Variants in SEC22C observed in about 807,000 individuals in gnomAD.
SEC22C encodes SEC22 homolog C, vesicle trafficking protein.
Under a neutral mutation model 34.7 loss-of-function variants are expected in SEC22C, and 29 were observed. That is an observed-to-expected ratio of 0.84 (90% CI 0.62 to 1.14). The LOEUF is 1.14. SEC22C is among the 50% of genes most tolerant of loss of function. The probability of loss-of-function intolerance (pLI) is 0.00; values close to 1 mark genes in which losing one functional copy is unlikely to be tolerated. For synonymous variants in SEC22C, 117 were observed against 132.8 expected (o/e 0.88, Z 0.82); for missense variants, 337 against 369.0 (o/e 0.91, Z 0.71).
chr3:42,551,669 T>C lies in SEC22C; in HGVS notation c.*1579A>G, dbSNP rs548201997. On this transcript the variant is annotated 3_prime_UTR_variant, in exon 7 of 7. Transcript: ENST00000264454. ...CAAATATTTTATGTTTGGTCAAAAA[T>C]AGAAAATTCTATTATAAAAAATAAA... 30 of 960,762 alleles carry C rather than the reference T, an allele frequency of 3.1e-5. No homozygotes were observed. In the South Asian group the frequency reaches 5.8e-4, roughly 19 times the overall value. 59.5% of individuals were successfully genotyped at this position (960,762 alleles called of 1,614,324 possible).
chr3:42,561,366 A>C, intron 3 of SEC22C, 70 bp from the exon 4 acceptor site: 1 of 1,487,208 alleles, frequency 6.7e-7, no homozygotes, highest in Non-Finnish European at 9.3e-7. Flanking sequence ...TACGTACAAA[A>C]TGAAGTTCAC....
chr3:42,569,100 C>T (rs1559522614), intron 1 of SEC22C, 27 bp from the exon 2 acceptor site: 1 of 1,503,504 alleles, frequency 6.7e-7, no homozygotes, highest in Non-Finnish European at 9.1e-7. Context: ...CACCTTGTTA[C>T]TGAGGCTCAA....
chr3:42,568,891 A>G lies in SEC22C; in HGVS notation c.156T>C (p.Ser52=). 1 of 1,614,248 alleles carries G rather than the reference A, an allele frequency of 6.2e-7. No homozygotes were observed. Among genetic ancestry groups the G allele is most frequent in the East Asian group, 2.2e-5 (1 of 44,890 alleles). The change falls in exon 2 of 7, where the codon TCT becomes TCC. Residue 52 remains serine (S), a synonymous_variant. Transcript: ENST00000264454. Reference sequence around the variant, plus strand: ...GTATACTAAAGTCACAACCTTCTGCAGAACCTCGACCTGGATACTGGGCCA... The same window carrying G: ...GTATACTAAAGTCACAACCTTCTGCGGAACCTCGACCTGGATACTGGGCCA... The part of the protein sequence containing the change: ...LRLAQYPGRG[S]AEGCDFSIHF...
intron 3 of SEC22C, 36 bp from the exon 4 acceptor site, chr3:42,561,332 A>G (rs968881879): frequency 6.3e-7 from 1 of 1,588,670 alleles, no homozygotes; most frequent in African/African-American, 1.3e-5. Context: ...AAGCATTTTC[A>G]TCAGAATGGA....
chr3:42,591,615 C>G (rs1339254029), intron 1 of SEC22C: 2 of 1,592,136 alleles, frequency 1.3e-6, no homozygotes, highest in Admixed American at 1.7e-5. Context: ...AGTACCCCCA[C>G]CCCCGCGCCC....
Position 42,568,882 on chromosome 3 carries a change from A to G in SEC22C, c.165T>C (p.Gly55=), listed in dbSNP as rs2271186. The part of the protein sequence containing the change: ...AQYPGRGSAE[G]CDFSIHFSSF... The stretch of plus-strand genomic sequence containing the variant: ...TCACTTACTGTATACTAAAGTCACA[A>G]CCTTCTGCAGAACCTCGACCTGGAT... Residue 55 remains glycine (G), a synonymous_variant, in exon 2 of 7, where the codon GGT becomes GGC. Transcript: ENST00000264454. The G allele has an allele frequency of 0.36, 582,791 of 1,613,300 alleles. 113,646 individuals carry two copies. Among genetic ancestry groups the G allele is most frequent in the African/African-American group, 0.72 (53,929 of 74,918 alleles).
chr3:42,589,163 G>A (rs1704722176), intron 1 of SEC22C, among the ~76,000 whole-genome samples: 1 of 151,946 alleles, frequency 6.6e-6, no homozygotes, highest in African/African-American at 2.4e-5. Context: ...CAGCTACTCA[G>A]CAGGCTGAGG....
In SEC22C at chr3:42,553,373, T is replaced by C. The variant is rs1702344417; in HGVS notation, c.787A>G (p.Asn263Asp). ...TTCCTCAGCCCGTGCAGGTACATGT[T>C]GCCCAGGCAAATAAAGAGCAGCATA... ...VLMLLFICLG[N>D]MYLHGLRNLW... Residue 263 changes from asparagine to aspartate, a missense_variant, in exon 7 of 7, where the codon AAC (asparagine) becomes GAC (aspartate). Transcript: ENST00000264454. The C allele has an allele frequency of 3.7e-6, 6 of 1,614,056 alleles. No homozygotes were observed. The highest frequency in any genetic ancestry group is 1.6e-4 in the Middle Eastern group (1 of 6,084).
chr3:42,560,808 T>C (rs1702855493), intron 4 of SEC22C, among the ~76,000 whole-genome samples: 1 of 151,894 alleles, frequency 6.6e-6, no homozygotes, highest in African/African-American at 2.4e-5. Flanking sequence ...CTGGCTAATT[T>C]TTTGTATTTT....
At chr3:42,573,766 C>T (rs1703789894) in intron 1 of SEC22C, among the ~76,000 whole-genome samples, 3 of 151,986 alleles carry the variant, frequency 2.0e-5, no homozygotes. Flanking sequence ...AATGAGTAAA[C>T]ATTAAGACAG....
upstream of SEC22C, among the ~76,000 whole-genome samples, chr3:42,586,842 T>C (rs1704628482): frequency 6.6e-6 from 1 of 152,214 alleles, no homozygotes; most frequent in South Asian, 2.1e-4. Context: ...CAACATCGTT[T>C]GACATCACCT....
chr3:42,566,280 T>C (rs1405249406), intron 2 of SEC22C, among the ~76,000 whole-genome samples: 1 of 152,136 alleles, frequency 6.6e-6, no homozygotes, highest in African/African-American at 2.4e-5. Flanking sequence ...TAGCCTGACA[T>C]TACCACCTAG....
At chr3:42,565,865 A>T in intron 2 of SEC22C, 1 of 455,312 alleles carries the variant, frequency 2.2e-6, no homozygotes, top group Non-Finnish European at 4.4e-6. Flanking sequence ...TTACTATTAA[A>T]AGCTATGGTA....
intron 6 of SEC22C, among the ~76,000 whole-genome samples, chr3:42,555,108 G>A (rs892457282): frequency 2.6e-5 from 4 of 152,024 alleles, no homozygotes; most frequent in South Asian, 2.1e-4. Context: ...CACTTTGGGC[G>A]GCCGAGGCGG....
At chr3:42,588,331 G>A (rs1219122068) in intron 1 of SEC22C, among the ~76,000 whole-genome samples, 1 of 152,040 alleles carries the variant, frequency 6.6e-6, no homozygotes, top group Non-Finnish European at 1.5e-5. Context: ...CTTGAACCTG[G>A]GAGGTGGAGG....
intron 6 of SEC22C, 102 bp downstream of exon 6, chr3:42,555,828 T>C: frequency 1.0e-6 from 1 of 956,558 alleles, no homozygotes; most frequent in Non-Finnish European, 1.7e-6. Flanking sequence ...ACCATGACCT[T>C]GGTGGAACAA....
intron 1 of SEC22C, among the ~76,000 whole-genome samples, chr3:42,571,698 T>C (rs1703639487): frequency 6.6e-6 from 1 of 152,224 alleles, no homozygotes; most frequent in Non-Finnish European, 1.5e-5. Context: ...CAGCCTGTAC[T>C]CAAATAAGAG....
In SEC22C at chr3:42,552,241, T is replaced by A; in HGVS notation, c.*1007A>T. 2.0e-6 allele frequency: 2 copies of A among 985,396 alleles called. No individual in the cohort carries two copies. The highest frequency in any genetic ancestry group is 2.4e-6 in the Non-Finnish European group (2 of 829,906). The allele number at this position is 985,396 out of a possible 1,614,324, so 61.0% of individuals were successfully genotyped here. A position where few individuals can be genotyped will look rare whatever the true frequency, so the allele number is the denominator to read the frequency against. The stretch of plus-strand genomic sequence containing the variant: ...AATGAGGCCCTCAAGCTAATTAAGA[T>A]GACTGGGAAAGGTGCAGAGGAGTAA... On this transcript the variant is annotated 3_prime_UTR_variant, in exon 7 of 7. Coordinates refer to ENST00000264454, the MANE Select transcript of SEC22C (RefSeq NM_032970.4).
At chr3:42,572,163 C>T (rs1437694349) in intron 1 of SEC22C, among the ~76,000 whole-genome samples, 2 of 145,448 alleles carry the variant, frequency 1.4e-5, no homozygotes, top group African/African-American at 2.6e-5. Flanking sequence ...GTTTGTCTCA[C>T]ATATCACAGA....
Sources: gnomAD v4.1 joint callset for allele counts (sites outside exome capture counted in the v4.1 genomes callset) on GRCh38, gnomAD v4.1.1 for gene constraint, MANE v1.5 for transcripts, NCBI Gene and HGNC (gene_info 2026-07-23, HGNC 2026-07-21) for gene names.